The following BMPR1B variants were observed in gnomAD, a reference collection of about 807,000 sequenced individuals.
BMPR1B encodes bone morphogenetic protein receptor type-1B.
BMPR1B carries 12 observed loss-of-function variants against 59.1 expected under a neutral mutation model. The ratio of observed to expected loss-of-function variants is 0.20; its 90% confidence interval spans 0.13 to 0.33. The LOEUF is 0.33. Among genes scored for constraint, BMPR1B ranks in the 10% least tolerant of loss-of-function variants. The pLI is 1.00. For missense variants in BMPR1B, 550 were observed against 610.9 expected (o/e 0.90, Z 1.05); for synonymous variants, 237 against 207.3 (o/e 1.14, Z -1.23).
chr4:95,086,273 G>A (rs932129544), intron 3 of BMPR1B, among the ~76,000 whole-genome samples: 1 of 152,052 alleles, frequency 6.6e-6, no homozygotes, highest in Non-Finnish European at 1.5e-5. Flanking sequence ...TTTAATAGAG[G>A]TTTTGAATGG....
chr4:94,801,704 G>T (rs1262050045), intron 1 of BMPR1B, among the ~76,000 whole-genome samples: 2 of 152,050 alleles, frequency 1.3e-5, no homozygotes, highest in Non-Finnish European at 2.9e-5. Context: ...ACTGGAACTT[G>T]AACTAACCCT....
intron 1 of BMPR1B, among the ~76,000 whole-genome samples, chr4:94,788,057 A>G (rs1722829257): frequency 6.6e-6 from 1 of 152,154 alleles, no homozygotes; most frequent in South Asian, 2.1e-4. Flanking sequence ...AAAGGGTGGA[A>G]GTTGGATTTA....
chr4:94,872,121 A>G (rs982359361), intron 1 of BMPR1B, among the ~76,000 whole-genome samples: 7 of 152,332 alleles, frequency 4.6e-5, no homozygotes, highest in Admixed American at 1.3e-4. Context: ...ATTGACATCC[A>G]GGCAGTGAGG....
At chr4:94,988,171 T>C (rs1721529643) in intron 2 of BMPR1B, among the ~76,000 whole-genome samples, 1 of 152,114 alleles carries the variant, frequency 6.6e-6, no homozygotes, top group African/African-American at 2.4e-5. Context: ...TTTATTATTT[T>C]AAATAACACT....
intron 1 of BMPR1B, among the ~76,000 whole-genome samples, chr4:94,766,382 C>T (rs957795697): frequency 1.0e-4 from 15 of 149,586 alleles, no homozygotes; most frequent in Non-Finnish European, 1.8e-4. Context: ...TCTCACCCAT[C>T]ATAGAACAGG....
intron 2 of BMPR1B, among the ~76,000 whole-genome samples, chr4:94,931,402 CTG>C (rs1431788828): frequency 6.6e-6 from 1 of 151,944 alleles, no homozygotes; most frequent in Non-Finnish European, 1.5e-5. Flanking sequence ...AATATTAACT[CTG>C]TGATTGAAAG....
At chr4:94,992,021 A>G (rs1247318178) in intron 2 of BMPR1B, among the ~76,000 whole-genome samples, 1 of 152,144 alleles carries the variant, frequency 6.6e-6, no homozygotes, top group African/African-American at 2.4e-5. Context: ...CATGTCCCAA[A>G]CTAAATCCAT....
At chr4:95,056,623 C>T (rs1726949514) in intron 3 of BMPR1B, among the ~76,000 whole-genome samples, 1 of 152,218 alleles carries the variant, frequency 6.6e-6, no homozygotes, top group South Asian at 2.1e-4. Context: ...GCGTCTGCTC[C>T]CTTCTTTTCT....
chr4:95,122,294 C>T (rs1392863318), intron 6 of BMPR1B, among the ~76,000 whole-genome samples: 2 of 151,690 alleles, frequency 1.3e-5, no homozygotes, highest in East Asian at 3.9e-4. Flanking sequence ...TGAGATTGTG[C>T]CACTGCACTC....
At chr4:95,065,313 G>A (rs1156961072) in intron 3 of BMPR1B, among the ~76,000 whole-genome samples, 3 of 152,080 alleles carry the variant, frequency 2.0e-5, no homozygotes, top group Non-Finnish European at 4.4e-5. Context: ...GAGAGTGACT[G>A]CCTGTATATG....
rs370809473 is a variant in BMPR1B, at chr4:95,081,593, T to C, written c.-17-22815T>C. On this transcript the variant is annotated intron_variant, in intron 3 of 12. Transcript: ENST00000515059. ...GCCAGTGCCTGTTGTTTCATATTCA[T>C]GCATAGGTAAAAGATCAGTTTAAAA... Among the ~76,000 whole-genome samples the C allele has an allele frequency of 2.8e-4, 42 of 152,314 alleles. No individual in the cohort carries two copies. The East Asian group carries it at 6.8e-3, about 24-fold the overall frequency.
intron 1 of BMPR1B, among the ~76,000 whole-genome samples, chr4:94,785,684 T>C (rs1395690907): frequency 6.6e-6 from 1 of 152,074 alleles, no homozygotes; most frequent in Non-Finnish European, 1.5e-5. Context: ...CATTCCACAT[T>C]CACAGAGAAT....
chr4:95,038,189 G>T (rs905257117), intron 3 of BMPR1B, among the ~76,000 whole-genome samples: 2 of 152,236 alleles, frequency 1.3e-5, no homozygotes, highest in Admixed American at 1.3e-4. Flanking sequence ...AGAATCAGGA[G>T]ACACAAAGCT....
At chr4:95,031,644 A>C (rs142694821) in intron 3 of BMPR1B, among the ~76,000 whole-genome samples, 1 of 152,242 alleles carries the variant, frequency 6.6e-6, no homozygotes, top group African/African-American at 2.4e-5. Context: ...GATTTTAAGA[A>C]GCTACTGTGA....
intron 2 of BMPR1B, among the ~76,000 whole-genome samples, chr4:94,974,505 C>T (rs1241022325): frequency 2.0e-5 from 3 of 152,128 alleles, no homozygotes; most frequent in Non-Finnish European, 4.4e-5. Flanking sequence ...GCTGACTTAC[C>T]TGTTGTCTGC....
At chr4:95,131,076 T>A in intron 9 of BMPR1B, 139 bp from the exon 10 acceptor site, 1 of 883,016 alleles carries the variant, frequency 1.1e-6, no homozygotes, top group Non-Finnish European at 1.8e-6. Flanking sequence ...AGTCATTTAA[T>A]ACCATCATAG....
At chr4:95,137,114 T>C (rs1289666316) in intron 10 of BMPR1B, among the ~76,000 whole-genome samples, 1 of 152,252 alleles carries the variant, frequency 6.6e-6, no homozygotes, top group African/African-American at 2.4e-5. Context: ...TGTTTGTGTC[T>C]TTGTTCTTAT....
intron 3 of BMPR1B, among the ~76,000 whole-genome samples, chr4:94,999,947 A>G (rs1250460909): frequency 6.6e-6 from 1 of 152,350 alleles, no homozygotes; most frequent in East Asian, 1.9e-4. Flanking sequence ...TAAAAAAAGT[A>G]GTTGTGAAAT....
rs184978232 is a variant in BMPR1B at position 94,873,773 on chromosome 4, T to C, written c.-182-2058T>C. 3.1e-3 allele frequency among the ~76,000 whole-genome samples: 475 copies of C among 152,362 alleles called. 12 individuals carry two copies. The highest frequency in any genetic ancestry group is 0.022 in the Admixed American group (336 of 15,298). On this transcript the variant is annotated intron_variant, in intron 1 of 12. Transcript: ENST00000515059. ...GTCTTATTGCGTTTAAAAAAATTAA[T>C]GTAAAATACATGTAACATAAAATTT...
Sources: gnomAD v4.1 joint callset for allele counts (sites outside exome capture counted in the v4.1 genomes callset) on GRCh38, gnomAD v4.1.1 for gene constraint, MANE v1.5 for transcripts, NCBI Gene and HGNC (gene_info 2026-07-23, HGNC 2026-07-21) for gene names.